Variants in CSGALNACT1 observed in about 807,000 individuals in gnomAD.
The protein encoded by CSGALNACT1 is beta4GalNAcT-1.
CSGALNACT1 carries 52 observed loss-of-function variants against 51.0 expected under a neutral mutation model. The ratio of observed to expected loss-of-function variants is 1.02; its 90% confidence interval spans 0.82 to 1.29. The LOEUF (loss-of-function observed/expected upper bound fraction) is 1.29, where lower values mean the gene tolerates loss of function less well. CSGALNACT1 is among the 50% of genes most tolerant of loss of function. The pLI is 0.00. For missense variants in CSGALNACT1, 935 were observed against 679.2 expected, an observed-to-expected ratio of 1.38 and a Z score of -4.19; for synonymous variants, 341 against 254.4, an observed-to-expected ratio of 1.34 and a Z score of -3.24.
At chr8:19,577,535 T>C (rs1428777006) in intron 3 of CSGALNACT1, among the ~76,000 whole-genome samples, 1 of 149,142 alleles carries the variant, frequency 6.7e-6, no homozygotes, top group Non-Finnish European at 1.5e-5. Context: ...CACTCCAGCC[T>C]CAGTGACAGC....
intron 1 of CSGALNACT1, among the ~76,000 whole-genome samples, chr8:19,651,673 A>G (rs2057815536): frequency 6.6e-6 from 1 of 152,156 alleles, no homozygotes; most frequent in African/African-American, 2.4e-5. Flanking sequence ...GTTGATGGGC[A>G]TCTATGTTAA....
intron 6 of CSGALNACT1, among the ~76,000 whole-genome samples, chr8:19,420,967 C>A (rs2153697856): frequency 6.6e-6 from 1 of 152,314 alleles, no homozygotes; most frequent in East Asian, 1.9e-4. Flanking sequence ...AGGAGCCAGG[C>A]AAAATGTTCT....
intron 1 of CSGALNACT1, among the ~76,000 whole-genome samples, chr8:19,736,614 G>A (rs370988221): frequency 6.1e-4 from 93 of 152,138 alleles, no homozygotes; most frequent in African/African-American, 2.1e-3. Flanking sequence ...ATGTCTGTAC[G>A]TTGACATTAG....
chr8:19,698,772 A>C (rs985133533), intron 1 of CSGALNACT1, among the ~76,000 whole-genome samples: 3 of 71,150 alleles, frequency 4.2e-5, no homozygotes, highest in Non-Finnish European at 1.0e-4. Flanking sequence ...ATAACCCACA[A>C]AAAAAAATCA....
chr8:19,666,791 GAAAGAAAGAAAGAAAGAA>G (rs1366869925), intron 1 of CSGALNACT1, among the ~76,000 whole-genome samples: 1,946 of 20,184 alleles, frequency 0.096, 88 homozygotes, highest in African/African-American at 0.21. Flanking sequence ...AAGAAAGAAA[GAAAGAAAGAAAGAAAGAA>G]AGAGAGAGAG....
intron 1 of CSGALNACT1, among the ~76,000 whole-genome samples, chr8:19,672,907 T>C (rs890203552): frequency 6.6e-6 from 1 of 152,246 alleles, no homozygotes; most frequent in Non-Finnish European, 1.5e-5. Context: ...TTCATGCTAC[T>C]GAGTGATTAG....
chr8:19,534,766 T>C (rs1357956944), intron 3 of CSGALNACT1, among the ~76,000 whole-genome samples: 1 of 152,176 alleles, frequency 6.6e-6, no homozygotes, highest in Non-Finnish European at 1.5e-5. Flanking sequence ...GGCGTAAAAA[T>C]GCCTAGAAGA....
chr8:19,656,609 CA>C (rs2058304817), intron 1 of CSGALNACT1, among the ~76,000 whole-genome samples: 1 of 140,570 alleles, frequency 7.1e-6, no homozygotes, highest in Non-Finnish European at 1.5e-5. Context: ...CCCACACACA[CA>C]CACGAGATCA....
Position 19,446,963 on chromosome 8 carries a change from T to C in CSGALNACT1, c.852-7032A>G, listed in dbSNP as rs1324195945. ...AGAGTATGGAGAGTACAGAGGCTAA[T>C]TAAGATGTATTTCCTATCACAAAAC... On this transcript the variant is annotated intron_variant, in intron 5 of 9. Coordinates refer to ENST00000454498, the Ensembl canonical transcript of CSGALNACT1. 4.6e-5 allele frequency among the ~76,000 whole-genome samples: 7 copies of C among 152,286 alleles called. No individual in the cohort carries two copies. In the East Asian group the frequency reaches 1.2e-3, roughly 25 times the overall value.
chr8:19,679,679 A>G (rs17409194), intron 1 of CSGALNACT1, among the ~76,000 whole-genome samples: 53,099 of 151,962 alleles, frequency 0.35, 10,020 homozygotes, highest in Middle Eastern at 0.48. Context: ...CTGTGACTCA[A>G]GACAGTCATG....
intron 3 of CSGALNACT1, among the ~76,000 whole-genome samples, chr8:19,568,982 C>G (rs1422976333): frequency 6.6e-6 from 1 of 152,188 alleles, no homozygotes; most frequent in African/African-American, 2.4e-5. Context: ...AATAAAAATA[C>G]TTCCAGGAGG....
At chr8:19,409,498 T>TAG (rs1324342094) in intron 8 of CSGALNACT1, among the ~76,000 whole-genome samples, 6 of 110,992 alleles carry the variant, frequency 5.4e-5, no homozygotes, top group Admixed American at 1.1e-4. Context: ...TATATATATA[T>TAG]ATAGAGAGAG....
chr8:19,646,102 A>T (rs140221054), intron 1 of CSGALNACT1, among the ~76,000 whole-genome samples: 1 of 152,352 alleles, frequency 6.6e-6, no homozygotes, highest in African/African-American at 2.4e-5. Context: ...GAGATGTTGA[A>T]CACAAAGAGT....
chr8:19,475,142 C>T (rs1490033191), intron 4 of CSGALNACT1, among the ~76,000 whole-genome samples: 1 of 152,086 alleles, frequency 6.6e-6, no homozygotes, highest in Non-Finnish European at 1.5e-5. Flanking sequence ...GCACACTTAA[C>T]AGGGGTTGGA....
chr8:19,680,394 A>G (rs2060507133), intron 1 of CSGALNACT1, among the ~76,000 whole-genome samples: 1 of 152,084 alleles, frequency 6.6e-6, no homozygotes, highest in African/African-American at 2.4e-5. Context: ...TGCCTGTACT[A>G]AAAATATAAA....
At chr8:19,651,105 G>A (rs942637317) in intron 1 of CSGALNACT1, among the ~76,000 whole-genome samples, 1 of 152,164 alleles carries the variant, frequency 6.6e-6, no homozygotes, top group African/African-American at 2.4e-5. Context: ...TCTGAAAAGG[G>A]TCAGATGGTG....
At chr8:19,404,598 A>G in exon 10 of CSGALNACT1, 1 of 400,508 alleles carries the variant, frequency 2.5e-6, no homozygotes, top group Non-Finnish European at 4.8e-6. Context: ...AGATGGATTG[A>G]TCTTTCACAA....
intron 3 of CSGALNACT1, among the ~76,000 whole-genome samples, chr8:19,513,436 C>CTCTCTCTCTCTCTCTCTATATA: frequency 7.3e-5 from 6 of 81,982 alleles, no homozygotes; most frequent in East Asian, 7.9e-4. Flanking sequence ...CTCTCTCTCT[C>CTCTCTCTCTCTCTCTCTATATA]TATATATATA....
intron 4 of CSGALNACT1, among the ~76,000 whole-genome samples, chr8:19,491,046 T>C (rs1048772282): frequency 6.6e-6 from 1 of 151,400 alleles, no homozygotes; most frequent in African/African-American, 2.4e-5. Context: ...AAAGAAAGTA[T>C]CTGGAAAACA....
Sources: gnomAD v4.1 joint callset for allele counts (sites outside exome capture counted in the v4.1 genomes callset) on GRCh38, gnomAD v4.1.1 for gene constraint, MANE v1.5 for transcripts, NCBI Gene and HGNC (gene_info 2026-07-23, HGNC 2026-07-21) for gene names.